Variants in RWDD3 observed in about 807,000 individuals in gnomAD.
The protein encoded by RWDD3 is RWD domain containing 3.
RWDD3 carries 30 observed loss-of-function variants against 26.5 expected under a neutral mutation model. The ratio of observed to expected loss-of-function variants is 1.13; its 90% CI spans 0.85 to 1.54. The LOEUF (loss-of-function observed/expected upper bound fraction) is 1.54, where lower values mean the gene tolerates loss of function less well. Among genes scored for constraint, RWDD3 ranks in the 40% most tolerant of loss-of-function variants. The probability of loss-of-function intolerance (pLI) is 0.00; values close to 1 mark genes in which losing one functional copy is unlikely to be tolerated. For synonymous variants in RWDD3, 113 were observed against 114.5 expected (o/e 0.99, Z 0.09); for missense variants, 296 against 309.1 (o/e 0.96, Z 0.32).
chr1:95,234,258 T>C lies in RWDD3; in HGVS notation c.28T>C (p.Ser10Pro), dbSNP rs778263425. The C allele has an allele frequency of 9.4e-6, 15 of 1,597,418 alleles. No individual in the cohort carries two copies. Among genetic ancestry groups the C allele is most frequent in the Admixed American group, 1.7e-5 (1 of 58,078 alleles). The stretch of plus-strand genomic sequence containing the variant: ...GGCGGAGCCTGTGCAGGAGGAGCTC[T>C]CGGTCCTGGCCGCGATTTTCTGCAG... MAEPVQEEL[S>P]VLAAIFCRPH... is the part of the protein sequence containing the mutation. The change falls in exon 1 of 4, where the codon TCG (serine) becomes CCG (proline). Residue 10 changes from serine to proline, a missense_variant. Coordinates refer to ENST00000370202, the MANE Select transcript of RWDD3 (RefSeq NM_015485.5).
chr1:95,238,753 A>C (rs1229209390), intron 1 of RWDD3, among the ~76,000 whole-genome samples: 1 of 152,090 alleles, frequency 6.6e-6, no homozygotes, highest in Non-Finnish European at 1.5e-5. Flanking sequence ...CTGTTATTTG[A>C]CTGCATTTAT....
chr1:95,244,069 A>G (rs1378691303), intron 1 of RWDD3, 142 bp from the exon 2 acceptor site: 6 of 1,240,788 alleles, frequency 4.8e-6, no homozygotes, highest in Non-Finnish European at 6.6e-6. Flanking sequence ...TAGCTTTCCT[A>G]GTATTACGTG....
In RWDD3 at chr1:95,244,612, G is replaced by A; in HGVS notation, c.487G>A (p.Ala163Thr). The stretch of plus-strand genomic sequence containing the variant: ...ATATGTCAAAATTGTGGAGAAGTGG[G>A]CTTCAGATTTAAGGCTGACAGGAAG... Reference protein sequence around the residue: ...TKYVKIVEKWASDLRLTGRLM... With the variant: ...TKYVKIVEKWTSDLRLTGRLM... The change falls in exon 2 of 4, where the codon GCT becomes ACT. Residue 163 changes from alanine (A) to threonine (T), a missense_variant. Ala to Thr is a moderately conservative substitution (Grantham distance 58). Coordinates refer to ENST00000370202, the MANE Select transcript of RWDD3 (RefSeq NM_015485.5). The A allele has an allele frequency of 1.9e-6, 3 of 1,614,166 alleles. No individual in the cohort carries two copies. Among genetic ancestry groups the A allele is most frequent in the South Asian group, 1.1e-5 (1 of 91,088 alleles).
At chr1:95,241,227 A>G (rs768959935) in intron 1 of RWDD3, among the ~76,000 whole-genome samples, 3 of 152,132 alleles carry the variant, frequency 2.0e-5, no homozygotes, top group Non-Finnish European at 4.4e-5. Context: ...TTCCTTGGTC[A>G]CTAACACACT....
intron 1 of RWDD3, among the ~76,000 whole-genome samples, chr1:95,235,023 G>A (rs991527166): frequency 2.6e-5 from 4 of 150,982 alleles, no homozygotes; most frequent in Non-Finnish European, 5.9e-5. Context: ...ACCATGCCTG[G>A]CTGAATTTTA....
chr1:95,243,835 A>T (rs111991424), intron 1 of RWDD3, among the ~76,000 whole-genome samples: 1 of 152,188 alleles, frequency 6.6e-6, no homozygotes, highest in South Asian at 2.1e-4. Flanking sequence ...CTGATTTTGT[A>T]TATATGTGGT....
Position 95,234,253 on chromosome 1 carries a change from A to G in RWDD3, c.23A>G (p.Glu8Gly). Residue 8 changes from glutamate (E) to glycine (G), a missense_variant, in exon 1 of 4, where the codon GAG (glutamate) becomes GGG (glycine). Glu to Gly is a moderately conservative substitution (Grantham distance 98, BLOSUM62 -2). Transcript: ENST00000370202. ...GCCATGGCGGAGCCTGTGCAGGAGG[A>G]GCTCTCGGTCCTGGCCGCGATTTTC... MAEPVQE[E>G]LSVLAAIFCR... 1.3e-6 allele frequency: 2 copies of G among 1,595,816 alleles called. No individual in the cohort carries two copies. The highest frequency in any genetic ancestry group is 1.7e-6 in the Non-Finnish European group (2 of 1,171,886).
intron 1 of RWDD3, among the ~76,000 whole-genome samples, chr1:95,234,538 G>T (rs1680198945): frequency 6.6e-6 from 1 of 152,038 alleles, no homozygotes; most frequent in South Asian, 2.1e-4. Context: ...CGGCCCACTG[G>T]GGCCTCTGCC....
rs1680861356 is a variant in RWDD3 at position 95,246,628 on chromosome 1, T to C, written c.660T>C (p.Phe220=). 1 of 1,611,080 alleles carries C rather than the reference T, an allele frequency of 6.2e-7. No individual in the cohort carries two copies. Among genetic ancestry groups the C allele is most frequent in the Non-Finnish European group, 8.5e-7 (1 of 1,177,810 alleles). ...KCKEKMISVL[F]ETKVQTEHKR... ...AAGAGAAAATGATTAGTGTACTGTT[T>C]GAAACAAAAGTACAGACAGAACACA... The change falls in exon 3 of 4, where the codon TTT becomes TTC. Residue 220 remains phenylalanine, a synonymous_variant. Coordinates refer to ENST00000370202, the MANE Select transcript of RWDD3 (RefSeq NM_015485.5).
At chr1:95,244,113 A>T in intron 1 of RWDD3, 98 bp from the exon 2 acceptor site, 2 of 1,508,112 alleles carry the variant, frequency 1.3e-6, no homozygotes, top group Non-Finnish European at 1.8e-6. Flanking sequence ...TTTTCTCATG[A>T]AAAATAAATT....
chr1:95,239,734 A>G, intron 1 of RWDD3: 1 of 1,223,268 alleles, frequency 8.2e-7, no homozygotes, highest in Middle Eastern at 2.3e-4. Flanking sequence ...TTCTAAGGTG[A>G]AAGTCAGGAG....
intron 1 of RWDD3, chr1:95,239,721 G>GTT (rs1359909952): frequency 8.3e-7 from 1 of 1,208,836 alleles, no homozygotes; most frequent in African/African-American, 1.6e-5. Context: ...GACGGTCACA[G>GTT]TTTTCTAAGG....
chr1:95,234,365 G>T (rs1472031795), intron 1 of RWDD3, 50 bp downstream of exon 1: 1 of 1,523,852 alleles, frequency 6.6e-7, no homozygotes, highest in Non-Finnish European at 8.9e-7. Flanking sequence ...GGCCACCCGC[G>T]TTCGCTTTGC....
At chr1:95,243,175 A>G (rs1680706129) in intron 1 of RWDD3, 1 of 152,224 alleles carries the variant, frequency 6.6e-6, no homozygotes, top group African/African-American at 2.4e-5. Flanking sequence ...CTGGTCCTGT[A>G]TGAATCAATA....
intron 1 of RWDD3, among the ~76,000 whole-genome samples, chr1:95,237,026 A>G (rs62625008): frequency 0.063 from 9,645 of 152,310 alleles, 377 homozygotes; most frequent in Non-Finnish European, 0.086. Flanking sequence ...TCTGGCATCA[A>G]TAAGTAATTG....
intron 1 of RWDD3, 137 bp from the exon 2 acceptor site, chr1:95,244,074 T>C: frequency 7.7e-7 from 1 of 1,301,800 alleles, no homozygotes. Context: ...TTCCTAGTAT[T>C]ACGTGTCCCT....
chr1:95,240,699 G>A (rs1458775656), intron 1 of RWDD3, among the ~76,000 whole-genome samples: 1 of 152,076 alleles, frequency 6.6e-6, no homozygotes, highest in Non-Finnish European at 1.5e-5. Flanking sequence ...GAGTGGTATT[G>A]GGATAATTTG....
At chr1:95,237,988 A>C (rs1202108597) in intron 1 of RWDD3, among the ~76,000 whole-genome samples, 1 of 152,236 alleles carries the variant, frequency 6.6e-6, no homozygotes, top group Admixed American at 6.5e-5. Context: ...GTGTGAGCCA[A>C]CTTATGTTCA....
intron 1 of RWDD3, chr1:95,237,209 A>G (rs1680398186): frequency 6.6e-6 from 1 of 151,382 alleles, no homozygotes; most frequent in Non-Finnish European, 1.5e-5. Context: ...CAAAGTAAGG[A>G]CTTCTTTAAC....
Sources: gnomAD v4.1 joint callset for allele counts (sites outside exome capture counted in the v4.1 genomes callset) on GRCh38, gnomAD v4.1.1 for gene constraint, MANE v1.5 for transcripts, NCBI Gene and HGNC (gene_info 2026-07-23, HGNC 2026-07-21) for gene names.